HOOK1: variants seen among roughly 807,000 people sequenced by gnomAD.
HOOK1 encodes the protein protein Hook homolog 1.
In HOOK1, 60 loss-of-function variants were observed where a neutral mutation model predicts 112.8. That is an observed-to-expected ratio of 0.53 (90% CI 0.43 to 0.66). The LOEUF (loss-of-function observed/expected upper bound fraction) is 0.66. HOOK1 is among the 30% of genes least tolerant of loss of function. The pLI is 0.00. For missense variants in HOOK1, 770 were observed against 856.0 expected, an observed-to-expected ratio of 0.90 and a Z score of 1.25; for synonymous variants, 294 against 283.8, an observed-to-expected ratio of 1.04 and a Z score of -0.36.
chr1:59,850,131 C>T (rs111296897), intron 12 of HOOK1, among the ~76,000 whole-genome samples: 24 of 151,592 alleles, frequency 1.6e-4, no homozygotes, highest in Middle Eastern at 3.4e-3. Flanking sequence ...TGTTGTTGAG[C>T]ATCTTTTATG....
In HOOK1 at chr1:59,864,620, T is replaced by A. The variant is rs761634286; in HGVS notation, c.1627-12T>A. The A allele has an allele frequency of 9.7e-5, 148 of 1,518,280 alleles. 2 individuals carry two copies. The South Asian group carries it at 1.1e-3, about 11-fold the overall frequency. 94.1% of individuals were successfully genotyped at this position (1,518,280 alleles called of 1,614,324 possible). ...ATAGTCATCTTACAGCAATTTTTTT[T>A]AAATTTTATAGTCCAGCAAATTAAA... On this transcript the variant is annotated splice_polypyrimidine_tract_variant and intron_variant, in intron 16 of 21. Transcript: ENST00000371208.
At chr1:59,821,977 T>G in intron 2 of HOOK1, 34 bp downstream of exon 2, 1 of 1,520,552 alleles carries the variant, frequency 6.6e-7, no homozygotes, top group South Asian at 1.1e-5. Context: ...TGAAAAGCAT[T>G]GTAAACCCAA....
chr1:59,850,966 C>A (rs891615705), intron 12 of HOOK1, among the ~76,000 whole-genome samples: 1 of 151,442 alleles, frequency 6.6e-6, no homozygotes, highest in African/African-American at 2.4e-5. Context: ...TTTAAAAATT[C>A]GTTTGACCAT....
chr1:59,868,074 T>C (rs745692563), intron 19 of HOOK1, among the ~76,000 whole-genome samples, 176 bp from the exon 20 acceptor site: 8 of 152,186 alleles, frequency 5.3e-5, no homozygotes, highest in Non-Finnish European at 1.0e-4. Context: ...GTTTCTTGTA[T>C]ATAGAATGAG....
chr1:59,865,817 T>C (rs1643953551), intron 18 of HOOK1, 55 bp from the exon 19 acceptor site: 2 of 710,200 alleles, frequency 2.8e-6, no homozygotes, highest in Admixed American at 2.9e-5. Flanking sequence ...TGAAGTATTT[T>C]AATAGGTAGT....
chr1:59,857,372 A>G (rs543125109), intron 12 of HOOK1, among the ~76,000 whole-genome samples: 1 of 152,206 alleles, frequency 6.6e-6, no homozygotes, highest in Non-Finnish European at 1.5e-5. Flanking sequence ...AAAAGTTAAA[A>G]GAGCAAAAAG....
chr1:59,856,471 C>T (rs2098410828), intron 12 of HOOK1, among the ~76,000 whole-genome samples: 1 of 148,276 alleles, frequency 6.7e-6, no homozygotes, highest in Non-Finnish European at 1.5e-5. Flanking sequence ...TTTCTGTTGA[C>T]TTCTTTTTTT....
At chr1:59,836,057 C>CT (rs1211422114) in intron 6 of HOOK1, among the ~76,000 whole-genome samples, 1 of 151,694 alleles carries the variant, frequency 6.6e-6, no homozygotes, top group African/African-American at 2.4e-5. Context: ...TTTCTTTTTT[C>CT]TTTTTTTTCT....
At position 59,875,374 on chromosome 1, in the gene HOOK1, T is replaced by TTATA. The variant is rs1442182553; in HGVS notation, c.*2412_*2415dup. ...TTCAAAACGTTTGATATGTAAGTAT[T>TTATA]TATATAAGACTAATGTAATTTAAAG... On this transcript the variant is annotated 3_prime_UTR_variant, in exon 22 of 22. Coordinates refer to ENST00000371208, the MANE Select transcript of HOOK1 (RefSeq NM_015888.6). 1 of 152,620 alleles carries TTATA rather than the reference T, an allele frequency of 6.6e-6. No homozygotes were observed. Among genetic ancestry groups the TTATA allele is most frequent in the Non-Finnish European group, 1.5e-5 (1 of 68,014 alleles). The allele number at this position is 152,620 out of a possible 1,614,324, so 9.5% of individuals were successfully genotyped here.
chr1:59,848,343 G>T lies in HOOK1; in HGVS notation c.958G>T (p.Glu320Ter). Reference protein sequence around the residue: ...RATSDKANKLESTVEIYRQKL... With the variant: ...RATSDKANKL Reference sequence around the variant, plus strand: ...TACCTCTGATAAAGCAAATAAACTGGAGTCAACAGTTGAGATATATCGTCA... The same window carrying T: ...TACCTCTGATAAAGCAAATAAACTGTAGTCAACAGTTGAGATATATCGTCA... Residue 320 changes from glutamate to a stop codon, truncating the protein, a stop_gained, in exon 11 of 22, where the codon GAG becomes TAG. Transcript: ENST00000371208. LOFTEE classifies it high-confidence loss of function. 6.2e-7 allele frequency: 1 copy of T among 1,610,770 alleles called. No individual in the cohort carries two copies. The highest frequency in any genetic ancestry group is 1.1e-5 in the South Asian group (1 of 90,928).
In HOOK1 at chr1:59,821,956, C is replaced by A; in HGVS notation, c.149+13C>A. 6.3e-7 allele frequency: 1 copy of A among 1,593,804 alleles called. No homozygotes were observed. The highest frequency in any genetic ancestry group is 1.1e-5 in the South Asian group (1 of 90,578). ...TTCTTCATCAAATGTGAGTAGTGGT[C>A]AGACTCTCCCTGAAAAGCATTGTAA... On this transcript the variant is annotated intron_variant, in intron 2 of 21. Coordinates refer to ENST00000371208, the MANE Select transcript of HOOK1 (RefSeq NM_015888.6).
chr1:59,859,993 AT>A (rs2098412704), intron 14 of HOOK1, among the ~76,000 whole-genome samples, 194 bp from the exon 15 acceptor site: 1 of 152,152 alleles, frequency 6.6e-6, no homozygotes, highest in Non-Finnish European at 1.5e-5. Context: ...TGCAGTTTAC[AT>A]AATTTTTTCT....
At chr1:59,831,716 G>A (rs1053635572) in intron 3 of HOOK1, among the ~76,000 whole-genome samples, 1 of 152,174 alleles carries the variant, frequency 6.6e-6, no homozygotes, top group Non-Finnish European at 1.5e-5. Flanking sequence ...ATTGCCTCAA[G>A]ACAGAAAGCT....
In HOOK1 at chr1:59,868,340, GA is replaced by G; in HGVS notation, c.1937del (p.Glu646GlyfsTer9). ...KQLAEKERRI[E>X]ILESECKVAK... Reference sequence around the variant, plus strand: ...GTTGGCAGAGAAAGAGAGAAGAATTGAGATTCTGGAGGTAAAACTTTTATAT... The same window carrying G: ...GTTGGCAGAGAAAGAGAGAAGAATTGGATTCTGGAGGTAAAACTTTTATAT... On this transcript the variant is annotated frameshift_variant, in exon 20 of 22. Coordinates refer to ENST00000371208, the MANE Select transcript of HOOK1 (RefSeq NM_015888.6). LOFTEE classifies it high-confidence loss of function. 6.3e-7 allele frequency: 1 copy of G among 1,583,450 alleles called. No homozygotes were observed. The highest frequency in any genetic ancestry group is 1.1e-5 in the South Asian group (1 of 89,988).
intron 1 of HOOK1, chr1:59,815,386 G>C (rs2098380512): frequency 1.7e-6 from 1 of 589,954 alleles, no homozygotes; most frequent in Non-Finnish European, 3.0e-6. Context: ...GGGGGTGGGG[G>C]TAAAGGAAGC....
rs758092257 is a variant in HOOK1, at chr1:59,847,036, T to C, written c.789-9T>C. The C allele has an allele frequency of 1.9e-6, 3 of 1,566,172 alleles. No individual in the cohort carries two copies. In the Admixed American group the frequency reaches 6.4e-5, roughly 33 times the overall value. Reference sequence around the variant, plus strand: ...AAGTTATAAATACTTACTTTTTTATTTGTTCAAGGCTTGAAGCTGCAAAAG... The same window carrying C: ...AAGTTATAAATACTTACTTTTTTATCTGTTCAAGGCTTGAAGCTGCAAAAG... On this transcript the variant is annotated splice_polypyrimidine_tract_variant and intron_variant, in intron 9 of 21. Transcript: ENST00000371208.
chr1:59,833,366 C>A, intron 4 of HOOK1, 39 bp from the exon 5 acceptor site: 1 of 1,394,064 alleles, frequency 7.2e-7, no homozygotes, highest in Non-Finnish European at 9.5e-7. Flanking sequence ...TCTTTGCAGC[C>A]GACATAAATG....
At chr1:59,860,093 A>G in intron 14 of HOOK1, 95 bp from the exon 15 acceptor site, 3 of 802,688 alleles carry the variant, frequency 3.7e-6, no homozygotes, top group Non-Finnish European at 5.5e-6. Context: ...TTAAAATGGT[A>G]GCTATTGAGT....
intron 16 of HOOK1, among the ~76,000 whole-genome samples, chr1:59,864,022 A>C (rs185584605): frequency 7.2e-4 from 109 of 152,182 alleles, no homozygotes; most frequent in Middle Eastern, 3.4e-3. Context: ...CTTGTATTTC[A>C]GATTATATAT....
Sources: allele counts gnomAD v4.1 joint callset (sites outside exome capture counted in the v4.1 genomes callset), GRCh38; gene constraint gnomAD v4.1.1; transcripts MANE v1.5; gene names NCBI Gene and HGNC (gene_info 2026-07-23, HGNC 2026-07-21).